Variants in PPP1R12A observed in about 807,000 individuals in gnomAD.
The protein encoded by PPP1R12A is myosin binding subunit.
Under a neutral mutation model 139.6 loss-of-function variants are expected in PPP1R12A, and 19 were observed. That is an observed-to-expected ratio of 0.14 (90% CI 0.09 to 0.20). PPP1R12A has a LOEUF of 0.20. Ranked by LOEUF, PPP1R12A falls within the 10% of genes least tolerant of loss-of-function variation. The pLI is 1.00. For missense variants in PPP1R12A, 925 were observed against 1,211.5 expected (o/e 0.76, Z 3.51); for synonymous variants, 427 against 420.6 (o/e 1.02, Z -0.19).
rs142156687 is a variant in PPP1R12A, at chr12:79,930,599, C to T, written c.237+4096G>A. Among the ~76,000 whole-genome samples, 1,294 of 152,062 alleles carry T rather than the reference C, an allele frequency of 8.5e-3. 22 individuals carry two copies. Among genetic ancestry groups the T allele is most frequent in the African/African-American group, 0.03 (1,246 of 41,478 alleles). ...ACCAGTCTGATCAACATAGAGAAAC[C>T]GCATCTCTACTAAAAATACAAAATT... is the stretch of plus-strand genomic sequence containing the variant. On this transcript the variant is annotated intron_variant, in intron 1 of 24. Coordinates refer to ENST00000450142, the MANE Select transcript of PPP1R12A (RefSeq NM_002480.3).
chr12:79,930,047 C>T (rs368346899), intron 1 of PPP1R12A, among the ~76,000 whole-genome samples: 20 of 152,226 alleles, frequency 1.3e-4, no homozygotes, highest in African/African-American at 4.8e-4. Context: ...AAGATTAGGT[C>T]CTCAGAGGCT....
intron 1 of PPP1R12A, among the ~76,000 whole-genome samples, chr12:79,921,149 A>G (rs1887405280): frequency 6.6e-6 from 1 of 152,162 alleles, no homozygotes; most frequent in African/African-American, 2.4e-5. Flanking sequence ...TTAAATGAAT[A>G]TACAAAAGAT....
intron 1 of PPP1R12A, among the ~76,000 whole-genome samples, chr12:79,919,511 C>T (rs929866315): frequency 4.0e-5 from 6 of 151,146 alleles, no homozygotes; most frequent in Non-Finnish European, 5.9e-5. Flanking sequence ...GCTGAAATCA[C>T]GCCACTGCAC....
chr12:79,890,890 C>CA lies in PPP1R12A; in HGVS notation c.238-17953_238-17952insT, dbSNP rs1491179788. On this transcript the variant is annotated intron_variant, in intron 1 of 24. Transcript: ENST00000450142. The stretch of plus-strand genomic sequence containing the variant: ...AAACCTCAAGAATACACACACACCA[C>CA]CCACCCACACCCACCCACACACACA... Among the ~76,000 whole-genome samples the CA allele has an allele frequency of 1.1e-3, 111 of 100,506 alleles. 1 individual carries two copies. The South Asian group carries it at 0.011, about 10-fold the overall frequency. 65.9% of individuals were successfully genotyped at this position (100,506 alleles called of 152,430 possible).
chr12:79,878,740 T>TA (rs1196916291), intron 1 of PPP1R12A, among the ~76,000 whole-genome samples: 1 of 152,100 alleles, frequency 6.6e-6, no homozygotes, highest in Non-Finnish European at 1.5e-5. Flanking sequence ...TCAGATCTTG[T>TA]GAGAACTCAC....
At chr12:79,868,218 T>C (rs531111154) in intron 2 of PPP1R12A, among the ~76,000 whole-genome samples, 1 of 152,206 alleles carries the variant, frequency 6.6e-6, no homozygotes, top group Non-Finnish European at 1.5e-5. Context: ...ATGCCACAGA[T>C]GTATAATGAA....
intron 2 of PPP1R12A, among the ~76,000 whole-genome samples, 196 bp downstream of exon 2, chr12:79,872,612 G>A (rs566107907): frequency 1.3e-5 from 2 of 152,260 alleles, no homozygotes; most frequent in African/African-American, 4.8e-5. Context: ...AGGCCAAAGA[G>A]GGTGGGGAGA....
chr12:79,898,216 G>A (rs960008367), intron 1 of PPP1R12A, among the ~76,000 whole-genome samples: 3 of 152,166 alleles, frequency 2.0e-5, no homozygotes, highest in Admixed American at 6.5e-5. Context: ...TTGGGAGGCC[G>A]AGGTGGGCGG....
chr12:79,780,981 A>C (rs1331912861), intron 23 of PPP1R12A, among the ~76,000 whole-genome samples: 1 of 152,044 alleles, frequency 6.6e-6, no homozygotes, highest in Non-Finnish European at 1.5e-5. Flanking sequence ...ATGGAAGAAA[A>C]ATGTTTTTAT....
At chr12:79,862,359 A>G (rs912511811) in intron 2 of PPP1R12A, among the ~76,000 whole-genome samples, 4 of 152,232 alleles carry the variant, frequency 2.6e-5, no homozygotes, top group African/African-American at 9.6e-5. Flanking sequence ...AAAGATGGGG[A>G]AAAACCAGAG....
chr12:79,861,405 C>T lies in PPP1R12A; in HGVS notation c.368+11403G>A, dbSNP rs141848166. 5.3e-3 allele frequency among the ~76,000 whole-genome samples: 800 copies of T among 152,238 alleles called. 5 individuals carry two copies. The highest frequency in any genetic ancestry group is 0.018 in the African/African-American group (751 of 41,538). Reference sequence around the variant, plus strand: ...CTCCCAGCAAGATCGATGCAGAAGACGGGTGATTTCTGCATTTCCAACTGA... The same window carrying T: ...CTCCCAGCAAGATCGATGCAGAAGATGGGTGATTTCTGCATTTCCAACTGA... On this transcript the variant is annotated intron_variant, in intron 2 of 24. Coordinates refer to ENST00000450142, the MANE Select transcript of PPP1R12A (RefSeq NM_002480.3).
chr12:79,841,754 G>A (rs1878736722), intron 3 of PPP1R12A, among the ~76,000 whole-genome samples: 1 of 152,174 alleles, frequency 6.6e-6, no homozygotes, highest in Admixed American at 6.5e-5. Context: ...AAAATGGGCA[G>A]GGAAGTTCTT....
At chr12:79,872,481 G>C (rs371183387) in intron 2 of PPP1R12A, among the ~76,000 whole-genome samples, 20 of 152,162 alleles carry the variant, frequency 1.3e-4, no homozygotes, top group African/African-American at 4.8e-4. Context: ...GATTATAAAG[G>C]AATGAGTTAG....
At chr12:79,933,656 A>C (rs1888421327) in intron 1 of PPP1R12A, among the ~76,000 whole-genome samples, 1 of 152,228 alleles carries the variant, frequency 6.6e-6, no homozygotes, top group South Asian at 2.1e-4. Context: ...CGTCACTTAA[A>C]AATTGCTTTT....
intron 20 of PPP1R12A, among the ~76,000 whole-genome samples, chr12:79,789,322 T>G (rs1227784133): frequency 1.3e-5 from 2 of 152,210 alleles, no homozygotes; most frequent in Non-Finnish European, 2.9e-5. Flanking sequence ...CATATAATGA[T>G]TAATATTTTA....
At chr12:79,855,718 C>A (rs1014188049) in intron 2 of PPP1R12A, among the ~76,000 whole-genome samples, 10 of 151,706 alleles carry the variant, frequency 6.6e-5, no homozygotes, top group African/African-American at 2.2e-4. Flanking sequence ...AAAAAACAAA[C>A]CACACATTTA....
At chr12:79,778,384 C>T (rs1870002796) in intron 24 of PPP1R12A, 166 bp downstream of exon 24, 3 of 419,296 alleles carry the variant, frequency 7.2e-6, no homozygotes, top group Non-Finnish European at 1.2e-5. Flanking sequence ...CCTCTTCTGG[C>T]TCACTAAAAC....
chr12:79,918,435 G>A (rs919254336), intron 1 of PPP1R12A, among the ~76,000 whole-genome samples: 2 of 151,924 alleles, frequency 1.3e-5, no homozygotes, highest in African/African-American at 4.8e-5. Context: ...GTCTCCTCCA[G>A]TATCATTCTG....
At chr12:79,836,673 G>A (rs1265890566) in intron 3 of PPP1R12A, among the ~76,000 whole-genome samples, 1 of 152,080 alleles carries the variant, frequency 6.6e-6, no homozygotes, top group Non-Finnish European at 1.5e-5. Context: ...ACCGATTAGA[G>A]TATGTAGACC....
Sources: gnomAD v4.1 joint callset for allele counts (sites outside exome capture counted in the v4.1 genomes callset) on GRCh38, gnomAD v4.1.1 for gene constraint, MANE v1.5 for transcripts, NCBI Gene and HGNC (gene_info 2026-07-23, HGNC 2026-07-21) for gene names.